The following STAT5B variants were observed in gnomAD, a reference collection of about 807,000 sequenced individuals.
STAT5B encodes signal transducer and activator of transcription 5B.
In STAT5B, 21 loss-of-function variants were observed where a neutral mutation model predicts 107.8. The observed-to-expected ratio is 0.19, with a 90% CI of 0.14 to 0.28. STAT5B has a LOEUF of 0.28. Ranked by LOEUF, STAT5B falls within the 10% of genes least tolerant of loss-of-function variation. The probability of loss-of-function intolerance (pLI) is 1.00; values close to 1 mark genes in which losing one functional copy is unlikely to be tolerated. For missense variants in STAT5B, 565 were observed against 1,008.2 expected (o/e 0.56, Z 5.95); for synonymous variants, 325 against 401.7 (o/e 0.81, Z 2.28).
intron 16 of STAT5B, 133 bp from the exon 17 acceptor site, chr17:42,202,941 A>G: frequency 8.1e-7 from 1 of 1,242,150 alleles, no homozygotes; most frequent in Admixed American, 1.8e-5. Flanking sequence ...CAAGCACTTA[A>G]TATTTTTTTG....
intron 1 of STAT5B, among the ~76,000 whole-genome samples, chr17:42,233,591 C>T (rs952558219): frequency 1.3e-5 from 2 of 151,766 alleles, no homozygotes; most frequent in African/African-American, 4.8e-5. Flanking sequence ...CCCGGGTTCA[C>T]GCCATTCTCC....
upstream of STAT5B, among the ~76,000 whole-genome samples, chr17:42,278,048 A>G (rs754778237): frequency 6.6e-6 from 1 of 151,900 alleles, no homozygotes; most frequent in Non-Finnish European, 1.5e-5. Flanking sequence ...CAGCCACCGC[A>G]CCTGACTCAT....
chr17:42,261,707 C>T (rs1411424170), intron 1 of STAT5B, among the ~76,000 whole-genome samples: 2 of 152,044 alleles, frequency 1.3e-5, no homozygotes, highest in Non-Finnish European at 2.9e-5. Context: ...ACTACAGGCA[C>T]ACACCACCAC....
chr17:42,242,788 T>G (rs1483569075), intron 1 of STAT5B, among the ~76,000 whole-genome samples: 1 of 152,066 alleles, frequency 6.6e-6, no homozygotes, highest in Non-Finnish European at 1.5e-5. Flanking sequence ...GCCAACATGG[T>G]GAAACCCTGT....
At chr17:42,242,694 G>T (rs569536657) in intron 1 of STAT5B, among the ~76,000 whole-genome samples, 95 of 151,480 alleles carry the variant, frequency 6.3e-4, no homozygotes, top group South Asian at 1.9e-3. Flanking sequence ...ACGACTGGGT[G>T]TGGTGGCTCA....
chr17:42,259,911 G>A (rs2080579769), intron 1 of STAT5B, among the ~76,000 whole-genome samples: 1 of 152,130 alleles, frequency 6.6e-6, no homozygotes, highest in South Asian at 2.1e-4. Context: ...GTGCAGATTT[G>A]TTACACAGGT....
intron 1 of STAT5B, chr17:42,270,962 T>C (rs2080718044): frequency 6.6e-6 from 1 of 152,250 alleles, no homozygotes. Context: ...GTAATGTTTT[T>C]ATTATCTTCA....
chr17:42,262,864 ATG>A (rs1382801562), intron 1 of STAT5B, among the ~76,000 whole-genome samples: 5 of 126,284 alleles, frequency 4.0e-5, no homozygotes, highest in South Asian at 2.4e-4. Flanking sequence ...ACACACATAT[ATG>A]TGTGTGTATA....
chr17:42,201,197 G>C lies in STAT5B; in HGVS notation c.*541C>G, dbSNP rs2080040786. On this transcript the variant is annotated 3_prime_UTR_variant, in exon 19 of 19. Coordinates refer to ENST00000293328, the MANE Select transcript of STAT5B (RefSeq NM_012448.4). ...CCCAAGAACACAGGGGTGGGGGAGA[G>C]GGAAGGCTCTCTTTGTCAAAAAGCA... 2.4e-6 allele frequency: 1 copy of C among 415,574 alleles called. No individual in the cohort carries two copies. Among genetic ancestry groups the C allele is most frequent in the African/African-American group, 2.0e-5 (1 of 49,028 alleles). The allele number at this position is 415,574 out of a possible 1,614,324, so 25.7% of individuals were successfully genotyped here.
the STAT5B span, among the ~76,000 whole-genome samples, chr17:42,285,159 G>A: frequency 9.3e-5 from 14 of 150,550 alleles, no homozygotes; most frequent in Admixed American, 7.3e-4. Flanking sequence ...GTATGATCTC[G>A]GCTCACTGCA....
rs769621416 is a variant in STAT5B at position 42,210,156 on chromosome 17, G to A, written c.1906+15C>T. On this transcript the variant is annotated intron_variant, in intron 15 of 18. Transcript: ENST00000293328. ...AAGCAGCTAACTTTGGACATAAGAA[G>A]GGAGGGGCACTCACGAGAATCAAAC... 1.9e-6 allele frequency: 3 copies of A among 1,614,052 alleles called. No homozygotes were observed. The East Asian group carries it at 6.7e-5, about 36-fold the overall frequency.
chr17:42,233,818 A>AT (rs945590429), intron 1 of STAT5B: 2 of 151,928 alleles, frequency 1.3e-5, no homozygotes, highest in Admixed American at 6.6e-5. Flanking sequence ...CATGCTCTTG[A>AT]TTTTTTAAAG....
the STAT5B span, chr17:42,287,726 C>G: frequency 2.5e-4 from 38 of 152,296 alleles, no homozygotes; most frequent in African/African-American, 8.0e-4. Context: ...CACGTGCCTA[C>G]TGTGTGGCCC....
chr17:42,210,819 G>A (rs1416471629), intron 13 of STAT5B, among the ~76,000 whole-genome samples: 1 of 152,204 alleles, frequency 6.6e-6, no homozygotes, highest in African/African-American at 2.4e-5. Flanking sequence ...GGGAGCTTCT[G>A]AGAAATGCAC....
chr17:42,204,327 G>C (rs2080069566), intron 16 of STAT5B, among the ~76,000 whole-genome samples: 1 of 152,190 alleles, frequency 6.6e-6, no homozygotes, highest in South Asian at 2.1e-4. Context: ...TCTGACATGG[G>C]AGAATGAAGT....
Position 42,200,949 on chromosome 17 carries a change from C to G in STAT5B, c.*789G>C, listed in dbSNP as rs528094698. ...ACAAACGGCATTGGCACTGTAAGCT[C>G]TCAGTTACGTGGCCCTCTTTTCTCT... On this transcript the variant is annotated 3_prime_UTR_variant, in exon 19 of 19. Transcript: ENST00000293328. 7 of 397,940 alleles carry G rather than the reference C, an allele frequency of 1.8e-5. No homozygotes were observed. In the South Asian group the frequency reaches 1.0e-3, roughly 57 times the overall value. The allele number at this position is 397,940 out of a possible 1,614,324, so 24.7% of individuals were successfully genotyped here.
chr17:42,229,610 A>G (rs1248460594), intron 2 of STAT5B, among the ~76,000 whole-genome samples: 5 of 151,708 alleles, frequency 3.3e-5, no homozygotes, highest in South Asian at 2.1e-4. Flanking sequence ...CGGTGGCTCA[A>G]GCTTTTAATC....
intron 1 of STAT5B, among the ~76,000 whole-genome samples, chr17:42,242,096 A>C (rs2080408552): frequency 6.6e-6 from 1 of 152,178 alleles, no homozygotes; most frequent in South Asian, 2.1e-4. Context: ...GTCACAGCCA[A>C]ATCACTGCAT....
intron 12 of STAT5B, chr17:42,214,302 G>C: frequency 2.0e-6 from 2 of 985,346 alleles, no homozygotes; most frequent in Non-Finnish European, 2.4e-6. Context: ...GACAGGCAGG[G>C]AAGGAAACAA....
Sources: allele counts gnomAD v4.1 joint callset (sites outside exome capture counted in the v4.1 genomes callset), GRCh38; gene constraint gnomAD v4.1.1; transcripts MANE v1.5; gene names NCBI Gene and HGNC (gene_info 2026-07-23, HGNC 2026-07-21).